RYR2: variants seen among roughly 807,000 people sequenced by gnomAD.
RYR2 encodes ryanodine receptor 2, also known as cardiac muscle ryanodine receptor-calcium release channel.
RYR2 carries 227 observed loss-of-function variants against 601.1 expected under a neutral mutation model. That is an observed-to-expected ratio of 0.38 (90% CI 0.34 to 0.42). The LOEUF is 0.42. RYR2 is among the 10% of genes least tolerant of loss of function. The probability of loss-of-function intolerance (pLI) is 1.00; values close to 1 mark genes in which losing one functional copy is unlikely to be tolerated. For missense variants in RYR2, 4,646 were observed against 6,156.5 expected, an observed-to-expected ratio of 0.75 and a Z score of 8.21; for synonymous variants, 2,223 against 2,175.1, an observed-to-expected ratio of 1.02 and a Z score of -0.61.
intron 51 of RYR2, among the ~76,000 whole-genome samples, 156 bp from the exon 52 acceptor site, chr1:237,654,118 G>T (rs192918389): frequency 6.6e-6 from 1 of 152,078 alleles, no homozygotes; most frequent in Non-Finnish European, 1.5e-5. Context: ...TAGTATACAC[G>T]GTGATAGTAT....
chr1:237,768,935 C>T (rs898814218), intron 84 of RYR2, among the ~76,000 whole-genome samples: 6 of 152,028 alleles, frequency 3.9e-5, no homozygotes, highest in African/African-American at 1.4e-4. Context: ...GTACGTGTTT[C>T]GGTATACAGT....
At chr1:237,074,231 C>T (rs565857284) in intron 1 of RYR2, among the ~76,000 whole-genome samples, 2 of 152,234 alleles carry the variant, frequency 1.3e-5, no homozygotes, top group African/African-American at 4.8e-5. Context: ...GCAGGAGGAC[C>T]ATTTGAGCCC....
chr1:237,510,231 T>C (rs1267981763), intron 23 of RYR2, among the ~76,000 whole-genome samples: 1 of 152,152 alleles, frequency 6.6e-6, no homozygotes, highest in Admixed American at 6.5e-5. Context: ...GAGACGTGAT[T>C]ACAGGAGATG....
intron 38 of RYR2, among the ~76,000 whole-genome samples, chr1:237,619,001 G>A (rs962268075): frequency 6.6e-6 from 1 of 152,106 alleles, no homozygotes; most frequent in African/African-American, 2.4e-5. Context: ...AGGCTGAGTG[G>A]GAAAATGGAC....
rs1364028075 is a variant in RYR2 at position 237,833,728 on chromosome 1, C to G, written c.*1081C>G. ...GTTTTGTTGATTAAGGACTTCTTGT[C>G]AGGCCATTTTTTAATATCAAAGCTG... On this transcript the variant is annotated 3_prime_UTR_variant, in exon 105 of 105. Coordinates refer to ENST00000366574, the MANE Select transcript of RYR2 (RefSeq NM_001035.3). The G allele has an allele frequency of 6.6e-6, 1 of 152,530 alleles. No homozygotes were observed. Among genetic ancestry groups the G allele is most frequent in the East Asian group, 1.9e-4 (1 of 5,180 alleles). The allele number at this position is 152,530 out of a possible 1,614,324, so 9.4% of individuals were successfully genotyped here.
chr1:237,211,394 G>A (rs1682555169), intron 1 of RYR2, among the ~76,000 whole-genome samples: 1 of 152,156 alleles, frequency 6.6e-6, no homozygotes, highest in Admixed American at 6.5e-5. Context: ...TTGTTAGCAT[G>A]ATAATTTTGC....
chr1:237,309,229 T>C (rs1694258109), intron 2 of RYR2, among the ~76,000 whole-genome samples: 1 of 137,424 alleles, frequency 7.3e-6, no homozygotes, highest in South Asian at 2.6e-4. Flanking sequence ...TTTACAAACC[T>C]TGAGCTAGAC....
Position 237,627,998 on chromosome 1 carries a change from C to T in RYR2, c.6358C>T (p.Leu2120=). The change falls in exon 41 of 105, where the codon CTG becomes TTG. Residue 2120 remains leucine (L), a synonymous_variant. Coordinates refer to ENST00000366574, the MANE Select transcript of RYR2 (RefSeq NM_001035.3). ...GTCCGTGGAGGACACCATCAACCTG[C>T]TGGCATCCCTTGGTCAGATTCGGTC... ...GVSVEDTINL[L]ASLGQIRSLL... 1 of 1,613,960 alleles carries T rather than the reference C, an allele frequency of 6.2e-7. No homozygotes were observed. The highest frequency in any genetic ancestry group is 8.5e-7 in the Non-Finnish European group (1 of 1,179,880).
intron 58 of RYR2, among the ~76,000 whole-genome samples, chr1:237,670,897 A>G (rs923428827): frequency 6.6e-6 from 1 of 152,246 alleles, no homozygotes; most frequent in African/African-American, 2.4e-5. Flanking sequence ...TTTGGATTTC[A>G]GATTTTTAGA....
chr1:237,382,204 A>G (rs1376104567), intron 8 of RYR2, among the ~76,000 whole-genome samples: 1 of 152,206 alleles, frequency 6.6e-6, no homozygotes, highest in Non-Finnish European at 1.5e-5. Flanking sequence ...GAAACAGGCC[A>G]AGTTTTTCGG....
In RYR2 at chr1:237,669,533, G is replaced by A. The variant is rs542650247; in HGVS notation, c.8590+1575G>A. Among the ~76,000 whole-genome samples, 514 of 150,940 alleles carry A rather than the reference G, an allele frequency of 3.4e-3. 2 individuals are homozygous for A. Among genetic ancestry groups the A allele is most frequent in the Non-Finnish European group, 5.3e-3 (361 of 67,658 alleles). On this transcript the variant is annotated intron_variant, in intron 58 of 104. Coordinates refer to ENST00000366574, the MANE Select transcript of RYR2 (RefSeq NM_001035.3). ...GACCCCCCCCACCTCCCTCCCGCAC[G>A]GGGCGGCTGCCGGGCGGAGGGGCTC...
At chr1:237,635,061 A>G in intron 44 of RYR2, 69 bp downstream of exon 44, 3 of 1,221,260 alleles carry the variant, frequency 2.5e-6, no homozygotes, top group Non-Finnish European at 3.3e-6. Flanking sequence ...AATATTTTAA[A>G]TATAAGTAAG....
chr1:237,379,437 A>T (rs887270260), intron 8 of RYR2, among the ~76,000 whole-genome samples: 5 of 152,228 alleles, frequency 3.3e-5, no homozygotes, highest in Non-Finnish European at 7.3e-5. Flanking sequence ...ATAATCATGC[A>T]TAGTGCCAAG....
chr1:237,621,851 C>T (rs1679108063), intron 38 of RYR2, among the ~76,000 whole-genome samples: 2 of 151,992 alleles, frequency 1.3e-5, no homozygotes, highest in South Asian at 4.2e-4. Flanking sequence ...AGATGGAAAA[C>T]AAATTTGTGG....
At chr1:237,511,538 G>A (rs1439029325) in intron 23 of RYR2, 150 bp from the exon 24 acceptor site, 10 of 597,630 alleles carry the variant, frequency 1.7e-5, no homozygotes, top group Admixed American at 4.4e-5. Flanking sequence ...TACTCACTGC[G>A]CCTGAGAGGT....
Position 237,256,005 on chromosome 1 carries a change from C to A in RYR2, c.49-14492C>A, listed in dbSNP as rs370434097. Among the ~76,000 whole-genome samples, 22 of 152,196 alleles carry A rather than the reference C, an allele frequency of 1.4e-4. 1 individual carries two copies. In the South Asian group the frequency reaches 4.4e-3, roughly 30 times the overall value. ...ATTCCCTGACAGTCTTTAGAATTGC[C>A]TTTTGATGTGGTTTGGCTGTGTCGC... On this transcript the variant is annotated intron_variant, in intron 1 of 104. Coordinates refer to ENST00000366574, the MANE Select transcript of RYR2 (RefSeq NM_001035.3).
At chr1:237,064,033 A>G (rs1663222182) in intron 1 of RYR2, among the ~76,000 whole-genome samples, 1 of 151,826 alleles carries the variant, frequency 6.6e-6, no homozygotes, top group South Asian at 2.1e-4. Flanking sequence ...GGTATTTTTC[A>G]TTCATTTTGG....
chr1:237,107,796 A>T (rs1668907703), intron 1 of RYR2, among the ~76,000 whole-genome samples: 1 of 152,134 alleles, frequency 6.6e-6, no homozygotes, highest in South Asian at 2.1e-4. Context: ...CTGCAGCCTT[A>T]GTTCTTTCCA....
intron 6 of RYR2, 118 bp downstream of exon 6, chr1:237,369,726 G>A (rs903381971): frequency 1.3e-5 from 10 of 786,860 alleles, no homozygotes; most frequent in Non-Finnish European, 1.8e-5. Flanking sequence ...GGATGTTTGT[G>A]TTCTTTCATA....
Sources: allele counts gnomAD v4.1 joint callset (sites outside exome capture counted in the v4.1 genomes callset), GRCh38; gene constraint gnomAD v4.1.1; transcripts MANE v1.5; gene names NCBI Gene and HGNC (gene_info 2026-07-23, HGNC 2026-07-21).